ANKRD42: variants seen among roughly 807,000 people sequenced by gnomAD.
ANKRD42 encodes ankyrin repeat domain-containing protein 42.
ANKRD42 carries 43 observed loss-of-function variants against 51.5 expected under a neutral mutation model. That is an observed-to-expected ratio of 0.83 (90% CI 0.65 to 1.08). ANKRD42 has a LOEUF of 1.08. Among genes scored for constraint, ANKRD42 ranks in the 50% least tolerant of loss-of-function variants. The probability of loss-of-function intolerance (pLI) is 0.00; values close to 1 mark genes in which losing one functional copy is unlikely to be tolerated. For missense variants in ANKRD42, 608 were observed against 629.3 expected, an observed-to-expected ratio of 0.97 and a Z score of 0.36; for synonymous variants, 203 against 213.0, an observed-to-expected ratio of 0.95 and a Z score of 0.41.
chr11:83,220,300 G>A (rs1862679118), intron 5 of ANKRD42, among the ~76,000 whole-genome samples: 1 of 152,176 alleles, frequency 6.6e-6, no homozygotes, highest in African/African-American at 2.4e-5. Context: ...TTAGTCTGGC[G>A]GCTGTGCTAA....
intron 7 of ANKRD42, among the ~76,000 whole-genome samples, chr11:83,231,990 A>G (rs1420886456): frequency 6.6e-6 from 1 of 151,950 alleles, no homozygotes; most frequent in Non-Finnish European, 1.5e-5. Context: ...TGGTTACTAT[A>G]GCCCTATAGT....
Position 83,236,499 on chromosome 11 carries a change from G to A in ANKRD42, c.1009G>A (p.Val337Met). 1 of 1,608,662 alleles carries A rather than the reference G, an allele frequency of 6.2e-7. No homozygotes were observed. The highest frequency in any genetic ancestry group is 2.2e-5 in the East Asian group (1 of 44,832). ...TNKAGERPSD[V>M]AKRFAHLAAV... ...CAAAGCAGGGGAGAGACCCAGTGAT[G>A]TGGCAAAGAGGTATAAATCTCTGTC... The change falls in exon 8 of 11, where the codon GTG becomes ATG. Residue 337 changes from valine (V) to methionine (M), a missense_variant. By Grantham distance (21) the Val-to-Met change is conservative. Transcript: ENST00000533342.
At chr11:83,223,472 A>G (rs1288186240) in intron 5 of ANKRD42, among the ~76,000 whole-genome samples, 1 of 152,102 alleles carries the variant, frequency 6.6e-6, no homozygotes, top group Non-Finnish European at 1.5e-5. Context: ...GATGGATTAG[A>G]TGTGGGGAGT....
chr11:83,249,356 A>C (rs993244255), downstream of ANKRD42, among the ~76,000 whole-genome samples: 1 of 152,076 alleles, frequency 6.6e-6, no homozygotes, highest in Non-Finnish European at 1.5e-5. Context: ...GTAGGCATGC[A>C]CCAACACACC....
intron 2 of ANKRD42, 61 bp downstream of exon 2, chr11:83,198,703 T>C: frequency 6.9e-7 from 1 of 1,459,778 alleles, no homozygotes; most frequent in South Asian, 1.3e-5. Context: ...TTTTGTAAAT[T>C]TAGCAAACAG....
chr11:83,230,696 C>T (rs1863041780), intron 7 of ANKRD42, among the ~76,000 whole-genome samples: 1 of 152,100 alleles, frequency 6.6e-6, no homozygotes, highest in Non-Finnish European at 1.5e-5. Flanking sequence ...AAGCGATTCT[C>T]CTGCCTCAGC....
intron 3 of ANKRD42, 112 bp from the exon 4 acceptor site, chr11:83,210,188 A>G: frequency 1.9e-6 from 2 of 1,044,094 alleles, no homozygotes; most frequent in Admixed American, 2.3e-5. Context: ...AAGAACATAC[A>G]TAAGAATTTA....
chr11:83,228,313 G>A (rs892521102), intron 7 of ANKRD42, among the ~76,000 whole-genome samples: 14 of 129,676 alleles, frequency 1.1e-4, no homozygotes, highest in African/African-American at 3.8e-4. Flanking sequence ...TGCAGGTGGA[G>A]ACCTCCTGGG....
In ANKRD42 at chr11:83,221,558, G is replaced by C. The variant is rs142119562; in HGVS notation, c.587-3297G>C. 2.0e-3 allele frequency among the ~76,000 whole-genome samples: 303 copies of C among 152,260 alleles called. 3 individuals carry two copies. Among genetic ancestry groups the C allele is most frequent in the African/African-American group, 6.4e-3 (264 of 41,558 alleles). ...TATAGAGATTCTTTGTAATTTTCTT[G>C]TTGATTTTCTTTCTTTTTCCAGGTA... On this transcript the variant is annotated intron_variant, in intron 5 of 10. Coordinates refer to ENST00000533342, the MANE Select transcript of ANKRD42 (RefSeq NM_001300975.2).
intron 5 of ANKRD42, among the ~76,000 whole-genome samples, chr11:83,224,638 C>T (rs1326140052): frequency 6.6e-6 from 1 of 151,920 alleles, no homozygotes; most frequent in African/African-American, 2.4e-5. Flanking sequence ...ATAAATTCTG[C>T]CAGGCATGGT....
chr11:83,222,535 T>C (rs1215050876), intron 5 of ANKRD42, among the ~76,000 whole-genome samples: 1 of 152,188 alleles, frequency 6.6e-6, no homozygotes, highest in Non-Finnish European at 1.5e-5. Context: ...CAAGAAAGCC[T>C]TCACTGAGGA....
intron 2 of ANKRD42, 25 bp from the exon 3 acceptor site, chr11:83,206,033 C>T (rs1345871261): frequency 1.3e-6 from 2 of 1,581,600 alleles, no homozygotes; most frequent in East Asian, 2.2e-5. Flanking sequence ...CACTTTATCA[C>T]TTGTTAACAT....
intron 5 of ANKRD42, chr11:83,214,675 C>G (rs1862460397): frequency 1.8e-6 from 1 of 568,628 alleles, no homozygotes; most frequent in South Asian, 7.9e-5. Flanking sequence ...GTATAAAGAT[C>G]AAATCAAGGT....
downstream of ANKRD42, chr11:83,260,228 C>T (rs1486190589): frequency 6.6e-6 from 1 of 152,176 alleles, no homozygotes; most frequent in Non-Finnish European, 1.5e-5. Context: ...GTTTATGTCT[C>T]TCTCCTTAAG....
chr11:83,220,518 G>C (rs1221896951), intron 5 of ANKRD42, among the ~76,000 whole-genome samples: 4 of 152,178 alleles, frequency 2.6e-5, no homozygotes, highest in Non-Finnish European at 5.9e-5. Context: ...GCTGACCGCG[G>C]TGAGTCACGG....
intron 8 of ANKRD42, 120 bp downstream of exon 8, chr11:83,236,629 T>G: frequency 1.5e-6 from 1 of 674,654 alleles, no homozygotes; most frequent in Non-Finnish European, 2.4e-6. Flanking sequence ...CAAATACAGA[T>G]GGAATGACAA....
chr11:83,236,290 G>C (rs1863218852), intron 7 of ANKRD42, 114 bp from the exon 8 acceptor site: 4 of 662,666 alleles, frequency 6.0e-6, no homozygotes, highest in Non-Finnish European at 1.0e-5. Context: ...TTACTGCAAG[G>C]ATCAATACTT....
rs1221630281 is a variant in ANKRD42, at chr11:83,211,335, A to G, written c.491A>G (p.His164Arg). ...GATAAGAGAGAATGGAGACCTGTGCATTATGCAGCTTTTCATGGGCGGCTT... is the reference window on the plus strand; with the variant it reads ...GATAAGAGAGAATGGAGACCTGTGCGTTATGCAGCTTTTCATGGGCGGCTT... Reference protein sequence around the residue: ...VTDKREWRPVHYAAFHGRLGC... With the variant: ...VTDKREWRPVRYAAFHGRLGC... Residue 164 changes from histidine (H) to arginine (R), a missense_variant, in exon 5 of 11, where the codon CAT becomes CGT. Transcript: ENST00000533342. 1.9e-6 allele frequency: 3 copies of G among 1,614,112 alleles called. No individual in the cohort carries two copies. The highest frequency in any genetic ancestry group is 2.2e-5 in the South Asian group (2 of 91,092).
At chr11:83,256,736 G>A (rs1591018103), downstream of ANKRD42, among the ~76,000 whole-genome samples, 1 of 152,240 alleles carries the variant, frequency 6.6e-6, no homozygotes, top group East Asian at 1.9e-4. Context: ...TCATGTGGAC[G>A]CTAAAGTCAT....
Sources: allele counts gnomAD v4.1 joint callset (sites outside exome capture counted in the v4.1 genomes callset), GRCh38; gene constraint gnomAD v4.1.1; transcripts MANE v1.5; gene names NCBI Gene and HGNC (gene_info 2026-07-23, HGNC 2026-07-21).